The following DCAF12 variants were observed in gnomAD, a reference collection of about 807,000 sequenced individuals.
DCAF12 encodes DDB1 and CUL4 associated factor 12.
In DCAF12, 28 loss-of-function variants were observed where a neutral mutation model predicts 52.8. The ratio of observed to expected loss-of-function variants is 0.53; its 90% confidence interval spans 0.39 to 0.73. The LOEUF is 0.73. DCAF12 is among the 30% of genes least tolerant of loss of function. The probability of loss-of-function intolerance (pLI) is 0.00; values close to 1 mark genes in which losing one functional copy is unlikely to be tolerated. For missense variants in DCAF12, 425 were observed against 552.2 expected (o/e 0.77, Z 2.31); for synonymous variants, 196 against 215.5 (o/e 0.91, Z 0.79).
chr9:34,117,933 AG>A (rs138695651), intron 2 of DCAF12, among the ~76,000 whole-genome samples: 60 of 152,302 alleles, frequency 3.9e-4, no homozygotes, highest in Non-Finnish European at 7.6e-4. Context: ...AAACAAAAAA[AG>A]AAATTATTCT....
intron 2 of DCAF12, among the ~76,000 whole-genome samples, chr9:34,114,303 C>A (rs538524252): frequency 1.3e-5 from 2 of 152,114 alleles, no homozygotes; most frequent in Non-Finnish European, 2.9e-5. Flanking sequence ...TGGCTCACAC[C>A]TGTAATCCCA....
At position 34,096,722 on chromosome 9, in the gene DCAF12, T is replaced by C. The variant is rs1215519216; in HGVS notation, c.855A>G (p.Leu285=). Residue 285 remains leucine, a synonymous_variant, in exon 6 of 9, where the codon CTA becomes CTG. Transcript: ENST00000361264. Reference sequence around the variant, plus strand: ...AAAATCATGTTCATCACACCTTAGATAGTGTATTTTCAGCCTTCCAGAGAT... The same window carrying C: ...AAAATCATGTTCATCACACCTTAGACAGTGTATTTTCAGCCTTCCAGAGAT... ...YFHLWKAENT[L]SKLLSTKLPY... is the part of the protein sequence containing the mutation. The C allele has an allele frequency of 1.9e-6, 3 of 1,613,774 alleles. No individual in the cohort carries two copies. The highest frequency in any genetic ancestry group is 1.7e-5 in the Admixed American group (1 of 60,014).
chr9:34,099,895 G>C (rs751129239), intron 4 of DCAF12, among the ~76,000 whole-genome samples: 1 of 152,058 alleles, frequency 6.6e-6, no homozygotes, highest in Non-Finnish European at 1.5e-5. Flanking sequence ...CCTGGCCAAA[G>C]CTTAGTAATT....
At chr9:34,094,794 T>C (rs999608971) in intron 6 of DCAF12, among the ~76,000 whole-genome samples, 4 of 152,216 alleles carry the variant, frequency 2.6e-5, no homozygotes, top group Middle Eastern at 3.4e-3. Context: ...CCTCCCAAAG[T>C]GCTGGGATTA....
chr9:34,112,334 G>A (rs10971922), intron 2 of DCAF12, among the ~76,000 whole-genome samples: 13,803 of 152,118 alleles, frequency 0.091, 907 homozygotes, highest in Non-Finnish European at 0.13. Context: ...GGTGGTTCAC[G>A]CCTGTAATCC....
At chr9:34,113,781 C>A (rs1396568856) in intron 2 of DCAF12, among the ~76,000 whole-genome samples, 1 of 152,170 alleles carries the variant, frequency 6.6e-6, no homozygotes, top group Non-Finnish European at 1.5e-5. Context: ...ACGGAATCAG[C>A]CGAAGTGTGC....
chr9:34,106,322 C>T (rs907321749), intron 4 of DCAF12, 112 bp downstream of exon 4: 3 of 830,502 alleles, frequency 3.6e-6, no homozygotes, highest in African/African-American at 1.7e-5. Context: ...GGATTATAGG[C>T]GTGAGTCACT....
chr9:34,112,439 C>CA (rs1262523201), intron 2 of DCAF12, among the ~76,000 whole-genome samples: 1 of 150,388 alleles, frequency 6.6e-6, no homozygotes, highest in African/African-American at 2.4e-5. Flanking sequence ...ACTAAAAATA[C>CA]AAAAATCAGC....
chr9:34,117,839 A>G (rs999671804), intron 2 of DCAF12, among the ~76,000 whole-genome samples: 5 of 152,102 alleles, frequency 3.3e-5, no homozygotes, highest in East Asian at 1.9e-4. Context: ...GCTTGAACCC[A>G]GGAGGCGGAG....
chr9:34,120,723 G>A (rs1829161503), intron 2 of DCAF12, among the ~76,000 whole-genome samples: 1 of 150,340 alleles, frequency 6.7e-6, no homozygotes, highest in Admixed American at 6.6e-5. Context: ...GGGTTAGCCT[G>A]ATACTCTCAG....
At chr9:34,117,084 G>C (rs1829099931) in intron 2 of DCAF12, among the ~76,000 whole-genome samples, 1 of 152,186 alleles carries the variant, frequency 6.6e-6, no homozygotes. Flanking sequence ...TACACTACTA[G>C]CTAGCTAAGA....
chr9:34,108,806 TA>T lies in DCAF12; in HGVS notation c.334-1242del, dbSNP rs1313673510. Among the ~76,000 whole-genome samples, 34 of 129,942 alleles carry T rather than the reference TA, an allele frequency of 2.6e-4. 2 individuals are homozygous for T. Among genetic ancestry groups the T allele is most frequent in the African/African-American group, 9.2e-4 (34 of 37,116 alleles). The allele number at this position is 129,942 out of a possible 152,430, so 85.2% of individuals were successfully genotyped here. A position where few individuals can be genotyped will look rare whatever the true frequency, so the allele number is the denominator to read the frequency against. ...GAGACTTGGTCTCAAAAAAAATAAA[TA>T]AATAAATATATATATATATATATGA... On this transcript the variant is annotated intron_variant, in intron 2 of 8. Coordinates refer to ENST00000361264, the MANE Select transcript of DCAF12 (RefSeq NM_015397.4).
intron 1 of DCAF12, among the ~76,000 whole-genome samples, chr9:34,125,890 T>C (rs2131446076): frequency 6.6e-6 from 1 of 152,292 alleles, no homozygotes; most frequent in East Asian, 1.9e-4. Context: ...ACCTGGGAAC[T>C]GTTGTTTCTT....
chr9:34,089,580 T>G lies in DCAF12; in HGVS notation c.1035A>C (p.Ser345=). Reference sequence around the variant, plus strand: ...TGATGATGTGCTCGTAGAAACTCACTGACCGGATTCCTGAAAGACAGAAAA... The same window carrying G: ...TGATGATGTGCTCGTAGAAACTCACGGACCGGATTCCTGAAAGACAGAAAA... ...CSRERGSGIR[S]VSFYEHIITV... The change falls in exon 8 of 9, where the codon TCA becomes TCC. Residue 345 remains serine, a synonymous_variant. Coordinates refer to ENST00000361264, the MANE Select transcript of DCAF12 (RefSeq NM_015397.4). The G allele has an allele frequency of 6.2e-7, 1 of 1,603,644 alleles. No homozygotes were observed. The highest frequency in any genetic ancestry group is 8.5e-7 in the Non-Finnish European group (1 of 1,173,864).
At chr9:34,094,548 T>G (rs1396713294) in intron 6 of DCAF12, among the ~76,000 whole-genome samples, 5 of 150,970 alleles carry the variant, frequency 3.3e-5, no homozygotes, top group African/African-American at 1.2e-4. Context: ...TTTTTTTTTT[T>G]GAGACGGAGT....
chr9:34,125,374 A>T, intron 1 of DCAF12, 97 bp from the exon 2 acceptor site: 1 of 1,370,024 alleles, frequency 7.3e-7, no homozygotes, highest in Non-Finnish European at 1.0e-6. Context: ...CTCATACTGC[A>T]GAATTTACAA....
Position 34,126,464 on chromosome 9 carries a change from A to G in DCAF12, c.-33T>C. ...AGCGCCGCCGCGGCCCCGCAGCCAC[A>G]TGGGGCGGGGGAAGCGAAGGATAGC... On this transcript the variant is annotated 5_prime_UTR_variant, in exon 1 of 9. An upstream start codon of the reference 5' UTR is lost. Coordinates refer to ENST00000361264, the MANE Select transcript of DCAF12 (RefSeq NM_015397.4). 1 of 1,595,802 alleles carries G rather than the reference A, an allele frequency of 6.3e-7. No homozygotes were observed. Among genetic ancestry groups the G allele is most frequent in the Non-Finnish European group, 8.5e-7 (1 of 1,176,418 alleles).
intron 4 of DCAF12, among the ~76,000 whole-genome samples, chr9:34,102,286 A>AG (rs1274226069): frequency 6.6e-6 from 1 of 151,684 alleles, no homozygotes; most frequent in Non-Finnish European, 1.5e-5. Context: ...CTGCCTCCAA[A>AG]AAAAAAAAGA....
chr9:34,093,816 A>T (rs1828688830), intron 6 of DCAF12: 1 of 196,624 alleles, frequency 5.1e-6, no homozygotes, highest in African/African-American at 2.3e-5. Context: ...GTCTGCCAGG[A>T]AGGGCCACCT....
Sources: allele counts gnomAD v4.1 joint callset (sites outside exome capture counted in the v4.1 genomes callset), GRCh38; gene constraint gnomAD v4.1.1; transcripts MANE v1.5; gene names NCBI Gene and HGNC (gene_info 2026-07-23, HGNC 2026-07-21).